EYS: variants seen among roughly 807,000 people sequenced by gnomAD.
EYS encodes protein eyes shut homolog.
In EYS, 250 loss-of-function variants were observed where a neutral mutation model predicts 282.1. The ratio of observed to expected loss-of-function variants is 0.89; its 90% CI spans 0.80 to 0.98. The LOEUF (loss-of-function observed/expected upper bound fraction) is 0.98. Ranked by LOEUF, EYS falls within the 50% of genes least tolerant of loss-of-function variation. The pLI, the probability that EYS is intolerant of heterozygous loss-of-function variation, is 0.00. For synonymous variants in EYS, 1,355 were observed against 1,282.9 expected (o/e 1.06, Z -1.20); for missense variants, 4,016 against 3,709.0 (o/e 1.08, Z -2.15).
chr6:63,805,774 A>T (rs1582224818), intron 37 of EYS, among the ~76,000 whole-genome samples: 1 of 152,152 alleles, frequency 6.6e-6, no homozygotes, highest in Non-Finnish European at 1.5e-5. Context: ...TGGTTTTATA[A>T]GGAGAAATTC....
chr6:65,437,652 C>A (rs1193185656), intron 5 of EYS, among the ~76,000 whole-genome samples: 1 of 152,014 alleles, frequency 6.6e-6, no homozygotes, highest in Non-Finnish European at 1.5e-5. Context: ...ATAGAAGAAT[C>A]TTCTTTAAGA....
intron 29 of EYS, among the ~76,000 whole-genome samples, chr6:64,331,318 T>G (rs1169469103): frequency 6.6e-6 from 1 of 151,966 alleles, no homozygotes; most frequent in Non-Finnish European, 1.5e-5. Context: ...CCATATGGGC[T>G]CCAAAAGAAG....
intron 28 of EYS, among the ~76,000 whole-genome samples, chr6:64,404,146 T>A (rs1773627457): frequency 6.6e-6 from 1 of 152,168 alleles, no homozygotes; most frequent in Non-Finnish European, 1.5e-5. Context: ...TAGTTGGGCA[T>A]TTTTAGCTCA....
At chr6:65,164,702 C>G (rs1296560540) in intron 12 of EYS, among the ~76,000 whole-genome samples, 1 of 151,400 alleles carries the variant, frequency 6.6e-6, no homozygotes, top group Admixed American at 6.6e-5. Flanking sequence ...TCAATTGCCT[C>G]ATAGTTCCAG....
intron 11 of EYS, among the ~76,000 whole-genome samples, chr6:65,305,620 A>C (rs1768983696): frequency 6.6e-6 from 1 of 152,138 alleles, no homozygotes; most frequent in African/African-American, 2.4e-5. Flanking sequence ...AAAAGGCTTT[A>C]AAGTGCCTCA....
intron 4 of EYS, among the ~76,000 whole-genome samples, chr6:65,494,340 CTA>C (rs1019130766): frequency 6.6e-5 from 10 of 152,028 alleles, no homozygotes; most frequent in Admixed American, 2.0e-4. Flanking sequence ...TGCAGTGGCG[CTA>C]TGTCGGCTCA....
At chr6:64,684,149 T>C (rs1770001617) in intron 22 of EYS, among the ~76,000 whole-genome samples, 1 of 152,146 alleles carries the variant, frequency 6.6e-6, no homozygotes, top group African/African-American at 2.4e-5. Flanking sequence ...TATCTTGTAT[T>C]CTATACAAGA....
chr6:65,279,323 G>T (rs1485474338), intron 12 of EYS, among the ~76,000 whole-genome samples: 2 of 151,634 alleles, frequency 1.3e-5, no homozygotes, highest in African/African-American at 4.8e-5. Flanking sequence ...ATTTTTTCTA[G>T]ATCTCTGCTT....
chr6:64,798,607 G>GTTTTTTTTTTTTTTT (rs57597318), intron 22 of EYS, among the ~76,000 whole-genome samples: 1 of 106,810 alleles, frequency 9.4e-6, no homozygotes. Context: ...TTTGTTTCTG[G>GTTTTTTTTTTTTTTT]TTTTTTTTTT....
intron 33 of EYS, among the ~76,000 whole-genome samples, chr6:64,056,952 A>T (rs1554202692): frequency 6.6e-6 from 1 of 152,190 alleles, no homozygotes; most frequent in Non-Finnish European, 1.5e-5. Flanking sequence ...TGGAGTTCTG[A>T]TATTACTGGC....
At chr6:64,110,180 TA>T (rs144672226) in intron 31 of EYS, among the ~76,000 whole-genome samples, 6,383 of 152,042 alleles carry the variant, frequency 0.042, 387 homozygotes, top group African/African-American at 0.14. Flanking sequence ...TCTTTTTTTT[TA>T]AAAAGTAAGC....
chr6:65,483,111 T>C (rs1765663789), intron 5 of EYS, among the ~76,000 whole-genome samples: 1 of 152,158 alleles, frequency 6.6e-6, no homozygotes, highest in Admixed American at 6.5e-5. Context: ...CAATTAAGAA[T>C]ACATTTTCAT....
intron 26 of EYS, among the ~76,000 whole-genome samples, chr6:64,487,344 G>A (rs1776606287): frequency 6.6e-6 from 1 of 150,860 alleles, no homozygotes; most frequent in Non-Finnish European, 1.5e-5. Context: ...AGCAAAAAGA[G>A]AAAGAAACAA....
At chr6:64,663,023 T>C (rs1769098336) in intron 22 of EYS, among the ~76,000 whole-genome samples, 1 of 152,144 alleles carries the variant, frequency 6.6e-6, no homozygotes, top group Non-Finnish European at 1.5e-5. Flanking sequence ...GATCTTTGAA[T>C]AGGAATGTAT....
At chr6:65,665,318 T>C (rs1768158983) in intron 1 of EYS, among the ~76,000 whole-genome samples, 1 of 152,138 alleles carries the variant, frequency 6.6e-6, no homozygotes, top group South Asian at 2.1e-4. Context: ...TATACTTTCT[T>C]TCTTCATTTA....
intron 5 of EYS, among the ~76,000 whole-genome samples, chr6:65,480,243 G>GA (rs1765560367): frequency 6.6e-6 from 1 of 152,002 alleles, no homozygotes; most frequent in Non-Finnish European, 1.5e-5. Context: ...ATGCATACAT[G>GA]ACAAGTGACC....
At position 65,446,877 on chromosome 6, in the gene EYS, T is replaced by C. The variant is rs374288303; in HGVS notation, c.863-41510A>G. Among the ~76,000 whole-genome samples the C allele has an allele frequency of 6.5e-4, 99 of 151,864 alleles. 3 individuals are homozygous for C. In the East Asian group the frequency reaches 0.013, roughly 19 times the overall value. Reference sequence around the variant, plus strand: ...AGTACAAAATGTAAGAAATATTAATTCTTAAAACTTTATGAGAAAAACAGA... The same window carrying C: ...AGTACAAAATGTAAGAAATATTAATCCTTAAAACTTTATGAGAAAAACAGA... On this transcript the variant is annotated intron_variant, in intron 5 of 42. Transcript: ENST00000503581.
At chr6:64,808,289 T>A (rs930110242) in intron 22 of EYS, among the ~76,000 whole-genome samples, 1 of 152,150 alleles carries the variant, frequency 6.6e-6, no homozygotes, top group African/African-American at 2.4e-5. Context: ...TCAGAGTTTA[T>A]CACATTAAAT....
chr6:63,801,947 G>A (rs1770791834), intron 37 of EYS, among the ~76,000 whole-genome samples: 1 of 152,066 alleles, frequency 6.6e-6, no homozygotes, highest in Non-Finnish European at 1.5e-5. Context: ...CTTCACCTGA[G>A]GAAGATAAAG....
Sources: allele counts gnomAD v4.1 joint callset (sites outside exome capture counted in the v4.1 genomes callset), GRCh38; gene constraint gnomAD v4.1.1; transcripts MANE v1.5; gene names NCBI Gene and HGNC (gene_info 2026-07-23, HGNC 2026-07-21).